KCNIP4: variants seen among roughly 807,000 people sequenced by gnomAD.
KCNIP4 encodes the protein potassium voltage-gated channel interacting protein 4, also known as Kv channel-interacting protein 4.
KCNIP4 carries 12 observed loss-of-function variants against 34.0 expected under a neutral mutation model. The observed-to-expected ratio is 0.35, with a 90% CI of 0.23 to 0.57. KCNIP4 has a LOEUF of 0.57. Among genes scored for constraint, KCNIP4 ranks in the 20% least tolerant of loss-of-function variants. KCNIP4 has a pLI of 0.83. For missense variants in KCNIP4, 238 were observed against 311.7 expected (o/e 0.76, Z 1.78); for synonymous variants, 124 against 102.2 (o/e 1.21, Z -1.29).
chr4:21,833,351 G>A (rs1723112920), intron 1 of KCNIP4, among the ~76,000 whole-genome samples: 1 of 152,164 alleles, frequency 6.6e-6, no homozygotes. Flanking sequence ...GTGATGGTGA[G>A]CATTTTTTCA....
chr4:21,646,894 A>C (rs1349660167), intron 1 of KCNIP4, among the ~76,000 whole-genome samples: 2 of 152,194 alleles, frequency 1.3e-5, no homozygotes, highest in Non-Finnish European at 2.9e-5. Context: ...CTCAAATGAG[A>C]AGGTAAAATT....
intron 1 of KCNIP4, among the ~76,000 whole-genome samples, chr4:21,523,323 G>T (rs1004273853): frequency 1.3e-5 from 2 of 152,118 alleles, no homozygotes. Context: ...TAGGTTGTGT[G>T]TGTGTGTCTG....
intron 1 of KCNIP4, among the ~76,000 whole-genome samples, chr4:20,934,783 T>C (rs1730877849): frequency 1.3e-5 from 2 of 152,210 alleles, no homozygotes; most frequent in South Asian, 4.1e-4. Flanking sequence ...GGCTGTATTA[T>C]ACTCATAGAG....
intron 1 of KCNIP4, among the ~76,000 whole-genome samples, chr4:21,191,595 T>C (rs552430076): frequency 1.3e-5 from 2 of 152,250 alleles, no homozygotes; most frequent in East Asian, 1.9e-4. Context: ...GGAGCTGAGG[T>C]CCACATTAAC....
At chr4:21,946,694 C>T (rs1730530385) in intron 1 of KCNIP4, among the ~76,000 whole-genome samples, 1 of 152,124 alleles carries the variant, frequency 6.6e-6, no homozygotes, top group African/African-American at 2.4e-5. Flanking sequence ...CATATGACAA[C>T]TAACTAAAAA....
chr4:21,050,473 T>C (rs1239520018), intron 1 of KCNIP4, among the ~76,000 whole-genome samples: 1 of 152,220 alleles, frequency 6.6e-6, no homozygotes, highest in East Asian at 1.9e-4. Context: ...TTAGAAATGA[T>C]AAATCAGTCT....
chr4:20,964,572 T>TG (rs1452662085), intron 1 of KCNIP4, among the ~76,000 whole-genome samples: 5 of 152,166 alleles, frequency 3.3e-5, no homozygotes, highest in African/African-American at 4.8e-5. Flanking sequence ...ACTTTTCTGA[T>TG]GATTTCCCCA....
chr4:21,173,699 G>A (rs1754185782), intron 1 of KCNIP4, among the ~76,000 whole-genome samples: 1 of 152,154 alleles, frequency 6.6e-6, no homozygotes, highest in Non-Finnish European at 1.5e-5. Context: ...ACCCGTGACA[G>A]TAGGTCCAGT....
chr4:20,771,609 C>T (rs1480695612), intron 3 of KCNIP4, among the ~76,000 whole-genome samples: 2 of 151,852 alleles, frequency 1.3e-5, no homozygotes, highest in Non-Finnish European at 1.5e-5. Context: ...TTTTGGAGAA[C>T]GTCTTTTAAA....
At chr4:20,931,223 T>G (rs890061372) in intron 1 of KCNIP4, among the ~76,000 whole-genome samples, 4 of 151,242 alleles carry the variant, frequency 2.6e-5, no homozygotes, top group African/African-American at 9.7e-5. Context: ...AAACATACAC[T>G]GAATATTCTT....
intron 1 of KCNIP4, among the ~76,000 whole-genome samples, chr4:21,904,675 C>T (rs989258541): frequency 2.0e-5 from 3 of 152,178 alleles, no homozygotes; most frequent in Non-Finnish European, 4.4e-5. Flanking sequence ...CAGCCTATTT[C>T]GCTGGGTGAG....
Position 21,547,903 on chromosome 4 carries a change from G to C in KCNIP4, c.61+400668C>G, listed in dbSNP as rs1347922429. ...AAAATATTTTAATAATTTTGCGCCT[G>C]AAACAAAGTTTGTGTACACTGAACC... On this transcript the variant is annotated intron_variant, in intron 1 of 8. Transcript: ENST00000382152. Among the ~76,000 whole-genome samples the C allele has an allele frequency of 2.0e-5, 3 of 152,024 alleles. No homozygotes were observed. In the East Asian group the frequency reaches 5.8e-4, roughly 29 times the overall value.
intron 1 of KCNIP4, among the ~76,000 whole-genome samples, chr4:21,533,050 C>T (rs1736830041): frequency 6.6e-6 from 1 of 151,328 alleles, no homozygotes; most frequent in Admixed American, 6.6e-5. Context: ...ACCTGCCAGC[C>T]AGAACCAACA....
intron 1 of KCNIP4, among the ~76,000 whole-genome samples, chr4:21,624,316 TG>T (rs1246635873): frequency 2.6e-5 from 4 of 152,158 alleles, no homozygotes; most frequent in Admixed American, 6.6e-5. Context: ...TTGTAACTAT[TG>T]TTTTTTCCAT....
chr4:20,984,044 C>A, intron 1 of KCNIP4: 1 of 1,460,076 alleles, frequency 6.8e-7, no homozygotes, highest in Non-Finnish European at 9.0e-7. Flanking sequence ...AAGTGAGCAG[C>A]TCCTGGCAGA....
chr4:21,581,807 C>T lies in KCNIP4; in HGVS notation c.61+366764G>A, dbSNP rs1741218527. Among the ~76,000 whole-genome samples, 3 of 151,918 alleles carry T rather than the reference C, an allele frequency of 2.0e-5. No homozygotes were observed. The South Asian group carries it at 6.2e-4, about 31-fold the overall frequency. ...AAACATTTGGTCAAACTCATGTGAT[C>T]CTGTCATTGTCTTAATTATTAACCT... is the stretch of plus-strand genomic sequence containing the variant. On this transcript the variant is annotated intron_variant, in intron 1 of 8. Coordinates refer to ENST00000382152, the MANE Select transcript of KCNIP4 (RefSeq NM_025221.6).
intron 1 of KCNIP4, among the ~76,000 whole-genome samples, chr4:21,690,788 C>T (rs1324253436): frequency 6.6e-6 from 1 of 152,098 alleles, no homozygotes; most frequent in African/African-American, 2.4e-5. Context: ...AACATCTTCC[C>T]ATAATAACAA....
intron 1 of KCNIP4, among the ~76,000 whole-genome samples, chr4:21,307,906 C>G (rs1712666018): frequency 6.6e-6 from 1 of 152,170 alleles, no homozygotes; most frequent in Admixed American, 6.5e-5. Flanking sequence ...GAAAGCAATA[C>G]AAGGAAGGCA....
At chr4:21,521,921 A>G (rs1486735706) in intron 1 of KCNIP4, among the ~76,000 whole-genome samples, 1 of 151,330 alleles carries the variant, frequency 6.6e-6, no homozygotes, top group Non-Finnish European at 1.5e-5. Context: ...GAGCATTGTA[A>G]TAAAAAAAAA....
Sources: allele counts gnomAD v4.1 joint callset (sites outside exome capture counted in the v4.1 genomes callset), GRCh38; gene constraint gnomAD v4.1.1; transcripts MANE v1.5; gene names NCBI Gene and HGNC (gene_info 2026-07-23, HGNC 2026-07-21).